ODAM: variants seen among roughly 807,000 people sequenced by gnomAD.
The protein encoded by ODAM is odontogenic, ameloblast associated, also known as odontogenic ameloblast-associated protein.
A neutral mutation model predicts 48.5 loss-of-function variants in ODAM; 55 were observed. That is an observed-to-expected ratio of 1.13 (90% CI 0.91 to 1.42). ODAM has a LOEUF of 1.42. ODAM is among the 40% of genes most tolerant of loss of function. The pLI is 0.00. For synonymous variants in ODAM, 127 were observed against 107.8 expected (o/e 1.18, Z -1.10); for missense variants, 353 against 323.6 (o/e 1.09, Z -0.70).
chr4:70,197,119 C>A (rs188522894), intron 3 of ODAM, among the ~76,000 whole-genome samples, 155 bp from the exon 4 acceptor site: 81 of 152,124 alleles, frequency 5.3e-4, no homozygotes, highest in East Asian at 1.8e-3. Flanking sequence ...AACTTCTAAT[C>A]ACTGTAATTT....
At chr4:70,202,368 C>A in intron 9 of ODAM, 39 bp downstream of exon 9, 1 of 1,409,550 alleles carries the variant, frequency 7.1e-7, no homozygotes. Flanking sequence ...TACTGGAAAT[C>A]AACAATTGAC....
intron 5 of ODAM, 41 bp downstream of exon 5, chr4:70,198,198 C>T (rs1389325785): frequency 6.7e-7 from 1 of 1,498,450 alleles, no homozygotes; most frequent in Non-Finnish European, 9.2e-7. Context: ...GGAGAGAGAA[C>T]TGCATGTTTA....
chr4:70,198,415 A>G (rs3816739), intron 5 of ODAM, among the ~76,000 whole-genome samples, 164 bp from the exon 6 acceptor site: 16,952 of 152,106 alleles, frequency 0.11, 1,140 homozygotes, highest in East Asian at 0.23. Context: ...GAAAACTTCA[A>G]TAATAGGCAG....
Position 70,202,871 on chromosome 4 carries a change from C to T in ODAM, c.764C>T (p.Thr255Ile). 1.2e-6 allele frequency: 2 copies of T among 1,612,336 alleles called. No individual in the cohort carries two copies. The highest frequency in any genetic ancestry group is 1.3e-5 in the African/African-American group (1 of 74,902). ...AAACCCAGCACAACCAATGTTTTCA[C>T]TTCTGCTGTAGACCAAACTATTACC... is the stretch of plus-strand genomic sequence containing the variant. ...SPKPSTTNVFTSAVDQTITPE... is the reference protein window; with the variant it reads ...SPKPSTTNVFISAVDQTITPE... The change falls in exon 10 of 12, where the codon ACT becomes ATT. Residue 255 changes from threonine to isoleucine, a missense_variant. Physicochemically the swap from Thr to Ile is moderately conservative, Grantham distance 89. Transcript: ENST00000683306.
In ODAM at chr4:70,198,170, T is replaced by A; in HGVS notation, c.375+13T>A. 6.2e-7 allele frequency: 1 copy of A among 1,604,804 alleles called. No homozygotes were observed. The highest frequency in any genetic ancestry group is 8.5e-7 in the Non-Finnish European group (1 of 1,173,830). ...AGGCCCCAGTCACGTAAGTCAGGCC[T>A]CTTTCATTTTGTTCTGAGGAGAGAG... On this transcript the variant is annotated intron_variant, in intron 5 of 11. Transcript: ENST00000683306.
At chr4:70,196,143 T>G (rs1729352777) in intron 1 of ODAM, among the ~76,000 whole-genome samples, 1 of 152,022 alleles carries the variant, frequency 6.6e-6, no homozygotes, top group Non-Finnish European at 1.5e-5. Flanking sequence ...TTAAAATTGC[T>G]GCAGTAATAA....
chr4:70,200,235 A>T (rs922368254), intron 6 of ODAM: 4 of 396,678 alleles, frequency 1.0e-5, no homozygotes, highest in African/African-American at 4.2e-5. Context: ...TGAAAAAAAA[A>T]AAAAGCTCTT....
Position 70,196,705 on chromosome 4 carries a change from G to T in ODAM, c.65G>T (p.Arg22Leu), listed in dbSNP as rs758616960. Residue 22 changes from arginine to leucine, a missense_variant, in exon 3 of 12, where the codon CGT becomes CTT. Arg to Leu is a moderately radical substitution (Grantham distance 102, BLOSUM62 -2). Transcript: ENST00000683306. ...ATLSAPLIPQ[R>L]LMSASNSNEL... ...TTTTACTTTTAGCTTATCCCACAGCGTCTCATGTCTGCCAGCAATAGCAAT... is the reference window on the plus strand; with the variant it reads ...TTTTACTTTTAGCTTATCCCACAGCTTCTCATGTCTGCCAGCAATAGCAAT... The T allele has an allele frequency of 3.1e-6, 5 of 1,606,088 alleles. No homozygotes were observed. In the African/African-American group the frequency reaches 4.0e-5, roughly 13 times the overall value.
In ODAM at chr4:70,200,604, A is replaced by C; in HGVS notation, c.528+3A>C. ...GACAGCAACAGTATGAGGAGCAGGT[A>C]CTGCAAATGTTTTATTTTAATCCTA... On this transcript the variant is annotated splice_donor_region_variant and intron_variant, in intron 7 of 11. Transcript: ENST00000683306. 1 of 1,574,998 alleles carries C rather than the reference A, an allele frequency of 6.3e-7. No individual in the cohort carries two copies. Among genetic ancestry groups the C allele is most frequent in the Non-Finnish European group, 8.7e-7 (1 of 1,147,308 alleles).
chr4:70,199,211 G>GA (rs1007096948), intron 6 of ODAM, among the ~76,000 whole-genome samples: 2 of 151,740 alleles, frequency 1.3e-5, no homozygotes, highest in Non-Finnish European at 1.5e-5. Flanking sequence ...TATTAATATG[G>GA]AAAACCCTAT....
intron 7 of ODAM, among the ~76,000 whole-genome samples, chr4:70,200,931 G>A (rs1578238171): frequency 6.6e-6 from 1 of 152,016 alleles, no homozygotes; most frequent in Middle Eastern, 3.4e-3. Flanking sequence ...ATATGTGTGT[G>A]TGGTTACTAT....
At chr4:70,198,773 A>G (rs895947197) in intron 6 of ODAM, 147 bp downstream of exon 6, 22 of 717,504 alleles carry the variant, frequency 3.1e-5, no homozygotes, top group Non-Finnish European at 3.8e-5. Context: ...CTGGGCTAGT[A>G]TCAGTTTGTT....
intron 1 of ODAM, among the ~76,000 whole-genome samples, chr4:70,196,214 T>G (rs1729354209): frequency 6.6e-6 from 1 of 151,916 alleles, no homozygotes; most frequent in African/African-American, 2.4e-5. Flanking sequence ...GCTCCTCTCC[T>G]TGTAGGGCAG....
intron 3 of ODAM, among the ~76,000 whole-genome samples, chr4:70,197,031 C>G (rs550668503): frequency 3.9e-5 from 6 of 151,902 alleles, no homozygotes; most frequent in Non-Finnish European, 7.4e-5. Context: ...ATGACTAAAC[C>G]ACTGGAATGT....
intron 4 of ODAM, 186 bp from the exon 5 acceptor site, chr4:70,197,738 G>A (rs531610970): frequency 2.3e-5 from 14 of 603,524 alleles, no homozygotes; most frequent in Middle Eastern, 4.5e-4. Context: ...CATGGCCATC[G>A]GGAATTTAGC....
chr4:70,196,458 A>C (rs984417660), intron 1 of ODAM, 71 bp from the exon 2 acceptor site: 5 of 817,952 alleles, frequency 6.1e-6, no homozygotes, highest in Non-Finnish European at 9.7e-6. Context: ...TTGATTGAAC[A>C]ATACTAATTA....
At chr4:70,197,660 G>A (rs527455589) in intron 4 of ODAM, 5 of 549,250 alleles carry the variant, frequency 9.1e-6, no homozygotes, top group Admixed American at 3.4e-5. Flanking sequence ...AATACAGACG[G>A]TTTAAAACCA....
chr4:70,197,278 T>A lies in ODAM; in HGVS notation c.98T>A (p.Leu33His). ...LMSASNSNELLLNLNNGQLLP... is the reference protein window; with the variant it reads ...LMSASNSNELHLNLNNGQLLP... ...ATATTATTTTTCTTTTTCTAGTTAC[T>A]TCTTAATCTTAATAATGGTCAACTT... The change falls in exon 4 of 12, where the codon CTT becomes CAT. Residue 33 changes from leucine (L) to histidine (H), a missense_variant. Coordinates refer to ENST00000683306, the MANE Select transcript of ODAM (RefSeq NM_017855.4). 1 of 1,378,516 alleles carries A rather than the reference T, an allele frequency of 7.3e-7. No individual in the cohort carries two copies. The allele number at this position is 1,378,516 out of a possible 1,614,324, so 85.4% of individuals were successfully genotyped here. A position where few individuals can be genotyped will look rare whatever the true frequency, so the allele number is the denominator to read the frequency against.
chr4:70,199,639 G>A (rs1399244), intron 6 of ODAM, among the ~76,000 whole-genome samples: 98,566 of 151,712 alleles, frequency 0.65, 32,186 homozygotes, highest in South Asian at 0.75. Context: ...GAAAATTACA[G>A]ACGTCTGAAC....
Sources: gnomAD v4.1 joint callset for allele counts (sites outside exome capture counted in the v4.1 genomes callset) on GRCh38, gnomAD v4.1.1 for gene constraint, MANE v1.5 for transcripts, NCBI Gene and HGNC (gene_info 2026-07-23, HGNC 2026-07-21) for gene names.